Variants in AR observed in about 807,000 individuals in gnomAD.
AR encodes the protein androgen receptor.
A neutral mutation model predicts 53.9 loss-of-function variants in AR; 8 were observed. The ratio of observed to expected loss-of-function variants is 0.15; its 90% confidence interval spans 0.09 to 0.27. The LOEUF is 0.27. Ranked by LOEUF, AR falls within the 10% of genes least tolerant of loss-of-function variation. AR has a pLI of 1.00. For synonymous variants in AR, 359 were observed against 316.4 expected, an observed-to-expected ratio of 1.13 and a Z score of -1.43; for missense variants, 639 against 742.5, an observed-to-expected ratio of 0.86 and a Z score of 1.62.
intron 3 of AR, among the ~76,000 whole-genome samples, chrX:67,711,043 A>G (rs2076091740): frequency 1.8e-5 from 2 of 112,236 alleles, no homozygotes; most frequent in Admixed American, 1.9e-4. Context: ...ATATCTGCTG[A>G]ATGAATGAAC....
intron 1 of AR, among the ~76,000 whole-genome samples, chrX:67,599,366 C>A (rs927101281): frequency 8.9e-6 from 1 of 111,929 alleles, no homozygotes; most frequent in Non-Finnish European, 1.9e-5. Flanking sequence ...AAATCAGACT[C>A]TGAGAATGGG....
intron 2 of AR, among the ~76,000 whole-genome samples, chrX:67,676,791 A>T (rs756487951): frequency 8.9e-6 from 1 of 111,746 alleles, no homozygotes; most frequent in Non-Finnish European, 1.9e-5. Flanking sequence ...TTATAAATGT[A>T]TGGGCTTTTC....
rs1921230571 is a variant in AR at position 67,560,102 on chromosome X, A to G, written c.1616+13340A>G. 4.5e-5 allele frequency among the ~76,000 whole-genome samples: 5 copies of G among 111,661 alleles called. No individual in the cohort carries two copies. In the South Asian group the frequency reaches 1.9e-3, roughly 42 times the overall value. On this transcript the variant is annotated intron_variant, in intron 1 of 7. Transcript: ENST00000374690. ...ATTTTCTGGGCTTCAGTGAGGTGCT[A>G]GATTGACTCAAAATATGGCAGGTCA...
chrX:67,676,165 TA>T (rs1009495631), intron 2 of AR, among the ~76,000 whole-genome samples: 4 of 112,294 alleles, frequency 3.6e-5, no homozygotes, highest in Non-Finnish European at 7.5e-5. Context: ...TGTCTATTTT[TA>T]AATAAATTAT....
intron 3 of AR, among the ~76,000 whole-genome samples, chrX:67,697,761 C>G (rs1480284398): frequency 9.0e-6 from 1 of 111,604 alleles, no homozygotes; most frequent in Non-Finnish European, 1.9e-5. Context: ...TAGGAGAAAT[C>G]AAGAGATCTG....
intron 2 of AR, among the ~76,000 whole-genome samples, chrX:67,653,337 A>G (rs1204209339): frequency 8.9e-6 from 1 of 111,965 alleles, no homozygotes; most frequent in Non-Finnish European, 1.9e-5. Flanking sequence ...TAAAAGAGTG[A>G]GATTACTGCT....
At chrX:67,589,900 A>G (rs1221574393) in intron 1 of AR, among the ~76,000 whole-genome samples, 5 of 111,801 alleles carry the variant, frequency 4.5e-5, no homozygotes, top group East Asian at 2.8e-4. Context: ...ATATATCCCA[A>G]TAGAGAAGCG....
At chrX:67,621,345 G>A (rs930213564) in intron 1 of AR, among the ~76,000 whole-genome samples, 1 of 111,459 alleles carries the variant, frequency 9.0e-6, no homozygotes, top group Non-Finnish European at 1.9e-5. Flanking sequence ...TGTCGTTGTT[G>A]TTGTTGTTTT....
At chrX:67,630,283 G>A (rs1433409018) in intron 1 of AR, among the ~76,000 whole-genome samples, 1 of 111,130 alleles carries the variant, frequency 9.0e-6, no homozygotes, top group Non-Finnish European at 1.9e-5. Context: ...AAGTCTCTTT[G>A]TAGGTCACTA....
chrX:67,555,841 T>C (rs770740826), intron 1 of AR, among the ~76,000 whole-genome samples: 3 of 112,518 alleles, frequency 2.7e-5, no homozygotes, highest in Non-Finnish European at 3.8e-5. Context: ...GAGCCTCCAT[T>C]GATGGTTTCA....
intron 1 of AR, among the ~76,000 whole-genome samples, chrX:67,618,348 G>A (rs376782023): frequency 6.3e-5 from 7 of 111,552 alleles, no homozygotes; most frequent in Admixed American, 1.9e-4. Context: ...GTTTAGCAAC[G>A]TCTTAATTTA....
At chrX:67,586,948 T>C (rs897714608) in intron 1 of AR, among the ~76,000 whole-genome samples, 1 of 112,253 alleles carries the variant, frequency 8.9e-6, no homozygotes, top group Non-Finnish European at 1.9e-5. Context: ...TTGCACTGGC[T>C]TGCCAAGTGA....
At chrX:67,673,350 G>T (rs1309757638) in intron 2 of AR, among the ~76,000 whole-genome samples, 2 of 80,845 alleles carry the variant, frequency 2.5e-5, no homozygotes, top group East Asian at 5.6e-4. Context: ...TTTCTACCAA[G>T]ATCTCTCTTT....
intron 4 of AR, among the ~76,000 whole-genome samples, chrX:67,713,759 C>T (rs750666867): frequency 9.0e-6 from 1 of 111,672 alleles, no homozygotes; most frequent in South Asian, 3.8e-4. Context: ...ATCACTGGGG[C>T]TTTCCTTGGC....
intron 3 of AR, among the ~76,000 whole-genome samples, chrX:67,688,781 C>CTACT (rs1157497793): frequency 2.7e-5 from 3 of 111,532 alleles, no homozygotes; most frequent in African/African-American, 6.5e-5. Context: ...GTTCCCTGCC[C>CTACT]TACTGACACA....
Position 67,686,035 on chromosome X carries a change from C to T in AR, c.1794C>T (p.Ser598=). ...AEGKQKYLCA[S]RNDCTIDKFR... is the part of the protein sequence containing the mutation. ...GGAAACAGAAGTACCTGTGCGCCAG[C>T]AGAAATGATTGCACTATTGATAAAT... Residue 598 remains serine (S), a synonymous_variant, in exon 3 of 8, where the codon AGC becomes AGT. Coordinates refer to ENST00000374690, the MANE Select transcript of AR (RefSeq NM_000044.6). 8.3e-7 allele frequency: 1 copy of T among 1,209,718 alleles called. No individual in the cohort carries two copies. Among genetic ancestry groups the T allele is most frequent in the Non-Finnish European group, 1.1e-6 (1 of 893,699 alleles).
At chrX:67,555,748 C>T (rs1921022103) in intron 1 of AR, among the ~76,000 whole-genome samples, 1 of 112,105 alleles carries the variant, frequency 8.9e-6, no homozygotes, top group Non-Finnish European at 1.9e-5. Context: ...TGAGTAGGTT[C>T]CTTGCTTGTG....
intron 1 of AR, among the ~76,000 whole-genome samples, chrX:67,635,951 C>T (rs1035263104): frequency 6.3e-5 from 7 of 111,507 alleles, no homozygotes; most frequent in Non-Finnish European, 1.1e-4. Flanking sequence ...ATATTCAAAA[C>T]TTTTGAGGTT....
chrX:67,637,055 T>C (rs1337899609), intron 1 of AR, among the ~76,000 whole-genome samples: 1 of 111,958 alleles, frequency 8.9e-6, no homozygotes, highest in Non-Finnish European at 1.9e-5. Flanking sequence ...ATTTTAACTG[T>C]ATTTTCACTT....
Sources: allele counts gnomAD v4.1 joint callset (sites outside exome capture counted in the v4.1 genomes callset), GRCh38; gene constraint gnomAD v4.1.1; transcripts MANE v1.5; gene names NCBI Gene and HGNC (gene_info 2026-07-23, HGNC 2026-07-21).